The following NBAS variants were observed in gnomAD, a reference collection of about 807,000 sequenced individuals.
The protein encoded by NBAS is NBAS subunit of NRZ tethering complex, also known as NAG/BC035112 fusion.
Under a neutral mutation model 302.5 loss-of-function variants are expected in NBAS, and 219 were observed. That is an observed-to-expected ratio of 0.72 (90% CI 0.65 to 0.81). The LOEUF (loss-of-function observed/expected upper bound fraction) is 0.81, where lower values mean the gene tolerates loss of function less well. Ranked by LOEUF, NBAS falls within the 30% of genes least tolerant of loss-of-function variation. NBAS has a pLI of 0.00. For missense variants in NBAS, 2,932 were observed against 2,841.6 expected (o/e 1.03, Z -0.72); for synonymous variants, 1,118 against 1,021.6 (o/e 1.09, Z -1.80).
chr2:15,098,988 C>T, the NBAS span, among the ~76,000 whole-genome samples: 119 of 151,566 alleles, frequency 7.9e-4, no homozygotes, highest in African/African-American at 2.6e-3. Flanking sequence ...CACACACACA[C>T]ATATATACAC....
the NBAS span, among the ~76,000 whole-genome samples, chr2:14,833,910 CTT>C: frequency 6.6e-6 from 1 of 152,056 alleles, no homozygotes. Flanking sequence ...GACCTTTGTT[CTT>C]TGAATCCACA....
chr2:15,466,234 C>T (rs1468295791), intron 19 of NBAS, among the ~76,000 whole-genome samples: 1 of 152,160 alleles, frequency 6.6e-6, no homozygotes, highest in Non-Finnish European at 1.5e-5. Flanking sequence ...ACCAGCATTA[C>T]ATTATCAGAT....
chr2:14,789,318 G>A, the NBAS span, among the ~76,000 whole-genome samples: 38 of 152,280 alleles, frequency 2.5e-4, no homozygotes, highest in Admixed American at 1.4e-3. Context: ...GCTTCGGCTG[G>A]CACATGGTGT....
intron 38 of NBAS, among the ~76,000 whole-genome samples, chr2:15,310,710 G>A (rs1018429867): frequency 5.3e-5 from 8 of 152,124 alleles, no homozygotes; most frequent in Non-Finnish European, 1.2e-4. Context: ...TACTTCCCAC[G>A]AAACCTGGGC....
At chr2:15,019,038 T>C in the NBAS span, among the ~76,000 whole-genome samples, 1 of 152,224 alleles carries the variant, frequency 6.6e-6, no homozygotes, top group East Asian at 1.9e-4. Context: ...AGCCACAGAA[T>C]AGTCCAGTTC....
rs140847885 is a variant in NBAS, at chr2:15,407,913, C to G, written c.2938-5612G>C. 6.8e-3 allele frequency among the ~76,000 whole-genome samples: 1,029 copies of G among 152,256 alleles called. 11 individuals carry two copies. Among genetic ancestry groups the G allele is most frequent in the African/African-American group, 0.022 (928 of 41,536 alleles). On this transcript the variant is annotated intron_variant, in intron 25 of 51. Coordinates refer to ENST00000281513, the MANE Select transcript of NBAS (RefSeq NM_015909.4). ...TGATGTTCTAGGAGAGAACCCACTT[C>G]CTTACCTTTTCCAGCTTCTAGAGGG... is the stretch of plus-strand genomic sequence containing the variant.
At chr2:15,265,063 G>A (rs1220489213) in intron 44 of NBAS, among the ~76,000 whole-genome samples, 3 of 152,054 alleles carry the variant, frequency 2.0e-5, no homozygotes, top group Non-Finnish European at 4.4e-5. Flanking sequence ...TCTTTTGAGG[G>A]ACTCTTCATA....
At chr2:15,208,630 C>T (rs1172454477) in intron 48 of NBAS, among the ~76,000 whole-genome samples, 1 of 151,948 alleles carries the variant, frequency 6.6e-6, no homozygotes, top group Non-Finnish European at 1.5e-5. Context: ...GGATCATTCT[C>T]AAGGACAGAC....
chr2:14,907,498 A>C, the NBAS span: 3 of 152,248 alleles, frequency 2.0e-5, no homozygotes, highest in African/African-American at 7.2e-5. Flanking sequence ...GCTAAATAGC[A>C]AAATACATAT....
chr2:15,434,559 C>T (rs911392146), intron 21 of NBAS, among the ~76,000 whole-genome samples: 1 of 152,198 alleles, frequency 6.6e-6, no homozygotes, highest in Non-Finnish European at 1.5e-5. Context: ...ATAAGTTTTA[C>T]ATTCTGAATT....
At chr2:15,496,067 T>TAC (rs1211507543) in intron 11 of NBAS, among the ~76,000 whole-genome samples, 2 of 147,500 alleles carry the variant, frequency 1.4e-5, no homozygotes, top group Non-Finnish European at 3.0e-5. Context: ...TGTGTGTGTA[T>TAC]ATATATACAC....
chr2:15,157,412 A>G, the NBAS span, among the ~76,000 whole-genome samples: 4 of 152,142 alleles, frequency 2.6e-5, no homozygotes, highest in African/African-American at 2.4e-5. Context: ...AATTCTCACA[A>G]ATACAGATCA....
rs371398998 is a variant in NBAS, at chr2:15,417,154, C to A, written c.2763+373G>T. The stretch of plus-strand genomic sequence containing the variant: ...AAGATGTTTTCTTCAAACAACCACC[C>A]GGTCCTCTTAACCCTGATACTTTTT... On this transcript the variant is annotated intron_variant, in intron 24 of 51. Transcript: ENST00000281513. Among the ~76,000 whole-genome samples, 39 of 152,246 alleles carry A rather than the reference C, an allele frequency of 2.6e-4. 1 individual carries two copies. In the South Asian group the frequency reaches 8.1e-3, roughly 32 times the overall value.
chr2:15,099,403 C>T, the NBAS span, among the ~76,000 whole-genome samples: 1 of 151,912 alleles, frequency 6.6e-6, no homozygotes, highest in Middle Eastern at 3.2e-3. Context: ...AAATATCCTA[C>T]AATGGACATA....
the NBAS span, chr2:14,890,823 CAAAA>C: frequency 6.2e-6 from 1 of 160,172 alleles, no homozygotes; most frequent in Non-Finnish European, 1.3e-5. Flanking sequence ...AACTCTGTCT[CAAAA>C]CAAACAAACA....
chr2:14,963,430 T>C, the NBAS span, among the ~76,000 whole-genome samples: 1 of 152,218 alleles, frequency 6.6e-6, no homozygotes, highest in Non-Finnish European at 1.5e-5. Context: ...ATATTTACTA[T>C]CTGGCCCCTT....
At position 15,516,790 on chromosome 2, in the gene NBAS, T is replaced by C. The variant is rs552857564; in HGVS notation, c.747-5440A>G. On this transcript the variant is annotated intron_variant, in intron 9 of 51. Coordinates refer to ENST00000281513, the MANE Select transcript of NBAS (RefSeq NM_015909.4). ...ACACACAGAACTAACAAAGTATTAG[T>C]AGGCAGAATTTATAAAGATCTCCCA... 2.6e-5 allele frequency among the ~76,000 whole-genome samples: 4 copies of C among 151,356 alleles called. No individual in the cohort carries two copies. The East Asian group carries it at 7.8e-4, about 29-fold the overall frequency.
At chr2:15,189,308 G>C (rs1184647682) in intron 49 of NBAS, among the ~76,000 whole-genome samples, 2 of 152,180 alleles carry the variant, frequency 1.3e-5, no homozygotes, top group Admixed American at 6.5e-5. Flanking sequence ...GGTTTGCTTT[G>C]GAAATTACTA....
chr2:15,136,447 G>A, the NBAS span, among the ~76,000 whole-genome samples: 2 of 152,214 alleles, frequency 1.3e-5, no homozygotes, highest in African/African-American at 2.4e-5. Flanking sequence ...TAGACAATAG[G>A]TCAATGGATG....
Sources: gnomAD v4.1 joint callset for allele counts (sites outside exome capture counted in the v4.1 genomes callset) on GRCh38, gnomAD v4.1.1 for gene constraint, MANE v1.5 for transcripts, NCBI Gene and HGNC (gene_info 2026-07-23, HGNC 2026-07-21) for gene names.